LNPEP: variants seen among roughly 807,000 people sequenced by gnomAD.
The protein encoded by LNPEP is leucyl and cystinyl aminopeptidase.
LNPEP carries 64 observed loss-of-function variants against 120.6 expected under a neutral mutation model. The observed-to-expected ratio is 0.53, with a 90% CI of 0.43 to 0.65. LNPEP has a LOEUF of 0.65. Ranked by LOEUF, LNPEP falls within the 30% of genes least tolerant of loss-of-function variation. The pLI, the probability that LNPEP is intolerant of heterozygous loss-of-function variation, is 0.00. For synonymous variants in LNPEP, 435 were observed against 425.4 expected, an observed-to-expected ratio of 1.02 and a Z score of -0.28; for missense variants, 1,057 against 1,200.0, an observed-to-expected ratio of 0.88 and a Z score of 1.76.
intron 1 of LNPEP, among the ~76,000 whole-genome samples, chr5:96,973,337 TA>T (rs1207324444): frequency 6.6e-6 from 1 of 151,856 alleles, no homozygotes; most frequent in South Asian, 2.1e-4. Flanking sequence ...AGCTTAAACT[TA>T]AAAAAAATAG....
At position 96,979,632 on chromosome 5, in the gene LNPEP, G is replaced by A. The variant is rs752392944; in HGVS notation, c.514G>A (p.Val172Ile). 3.7e-6 allele frequency: 6 copies of A among 1,614,070 alleles called. No individual in the cohort carries two copies. The highest frequency in any genetic ancestry group is 2.2e-5 in the East Asian group (1 of 44,876). Residue 172 changes from valine (V) to isoleucine (I), a missense_variant, in exon 2 of 18, where the codon GTT becomes ATT. Coordinates refer to ENST00000231368, the MANE Select transcript of LNPEP (RefSeq NM_005575.3). ...PWAQIRLPTA[V>I]VPLRYELSLH... ...GGCACAGATCAGGCTTCCCACTGCC[G>A]TTGTGCCACTACGCTATGAACTCAG...
chr5:96,978,735 C>T (rs963205451), intron 1 of LNPEP, among the ~76,000 whole-genome samples: 1 of 152,162 alleles, frequency 6.6e-6, no homozygotes, highest in African/African-American at 2.4e-5. Flanking sequence ...TGGGCACATC[C>T]CTTTGATCCT....
chr5:96,989,282 AATAT>A (rs1239271941), intron 4 of LNPEP, among the ~76,000 whole-genome samples: 2 of 134,466 alleles, frequency 1.5e-5, no homozygotes, highest in East Asian at 4.0e-4. Context: ...TATATTATAT[AATAT>A]ATAATTTATA....
At chr5:96,953,584 T>A (rs1357527795) in intron 1 of LNPEP, among the ~76,000 whole-genome samples, 2 of 152,226 alleles carry the variant, frequency 1.3e-5, no homozygotes, top group African/African-American at 4.8e-5. Context: ...ACTCCCTGCA[T>A]GTTGGCTTCC....
At chr5:96,947,876 AT>A (rs1789224736) in intron 1 of LNPEP, among the ~76,000 whole-genome samples, 1 of 152,218 alleles carries the variant, frequency 6.6e-6, no homozygotes, top group Admixed American at 6.5e-5. Flanking sequence ...CCAGAGAATA[AT>A]AGGATTCAAA....
intron 1 of LNPEP, chr5:96,936,490 G>A (rs1404666244): frequency 6.9e-6 from 2 of 290,574 alleles, no homozygotes; most frequent in African/African-American, 2.2e-5. Flanking sequence ...GGCAGCTCAG[G>A]TTTGCCCCCG....
intron 1 of LNPEP, among the ~76,000 whole-genome samples, chr5:96,952,378 TGACTCTGAAG>T (rs1472792010): frequency 2.0e-5 from 3 of 152,202 alleles, no homozygotes; most frequent in Non-Finnish European, 4.4e-5. Flanking sequence ...GAAATAGTTT[TGACTCTGAAG>T]GCCTCCTGCA....
At chr5:96,984,347 C>G (rs186946294) in intron 2 of LNPEP, among the ~76,000 whole-genome samples, 1 of 152,084 alleles carries the variant, frequency 6.6e-6, no homozygotes, top group Non-Finnish European at 1.5e-5. Context: ...AACTAAGGTC[C>G]GAGTCTTGAA....
rs1790428998 is a variant in LNPEP at position 96,993,070 on chromosome 5, C to G, written c.1187C>G (p.Thr396Arg). 6.3e-7 allele frequency: 1 copy of G among 1,596,966 alleles called. No homozygotes were observed. Among genetic ancestry groups the G allele is most frequent in the Non-Finnish European group, 8.6e-7 (1 of 1,167,244 alleles). Reference protein sequence around the residue: ...KIGQVHYALETTVKLLEFFQN... With the variant: ...KIGQVHYALERTVKLLEFFQN... ...GGTCAAGTTCATTATGCCTTGGAAACAACTGTGAAGCTTCTTGAGTTTTTT... is the reference window on the plus strand; with the variant it reads ...GGTCAAGTTCATTATGCCTTGGAAAGAACTGTGAAGCTTCTTGAGTTTTTT... The change falls in exon 5 of 18, where the codon ACA (threonine) becomes AGA (arginine). Residue 396 changes from threonine (T) to arginine (R), a missense_variant. Physicochemically the swap from Thr to Arg is moderately conservative, Grantham distance 71 (BLOSUM62 -1). Transcript: ENST00000231368.
In LNPEP at chr5:96,954,741, TATATACAC is replaced by T. The variant is rs1393854788; in HGVS notation, c.19+18573_19+18580del. 6.2e-4 allele frequency among the ~76,000 whole-genome samples: 54 copies of T among 86,436 alleles called. 3 individuals are homozygous for T. The highest frequency in any genetic ancestry group is 1.7e-3 in the African/African-American group (38 of 22,058). 56.7% of individuals were successfully genotyped at this position (86,436 alleles called of 152,430 possible). On this transcript the variant is annotated intron_variant, in intron 1 of 17. Transcript: ENST00000231368. ...ATATATACATATATATATACATATA[TATATACAC>T]ATATATATATATATATATATATATT... is the stretch of plus-strand genomic sequence containing the variant.
intron 11 of LNPEP, among the ~76,000 whole-genome samples, chr5:97,009,736 A>T (rs1790880161): frequency 6.6e-6 from 1 of 152,184 alleles, no homozygotes. Context: ...GAGAGTCCAC[A>T]TGAAAACTTC....
chr5:96,973,554 AC>A lies in LNPEP; in HGVS notation c.20-5583del, dbSNP rs367983507. On this transcript the variant is annotated intron_variant, in intron 1 of 17. Transcript: ENST00000231368. ...CTATTCTCTAAAAAATAACAGTATA[AC>A]AACTATTTATATAGCATTTACAATG... Among the ~76,000 whole-genome samples the A allele has an allele frequency of 6.1e-4, 93 of 152,274 alleles. 1 individual carries two copies. The highest frequency in any genetic ancestry group is 1.9e-3 in the African/African-American group (80 of 41,576).
intron 1 of LNPEP, among the ~76,000 whole-genome samples, chr5:96,963,099 C>T (rs1789645314): frequency 6.6e-6 from 1 of 152,160 alleles, no homozygotes; most frequent in South Asian, 2.1e-4. Flanking sequence ...TTGAAGTAAT[C>T]ATGAGACACT....
intron 1 of LNPEP, among the ~76,000 whole-genome samples, chr5:96,954,155 A>G (rs1485349404): frequency 1.3e-5 from 2 of 152,222 alleles, no homozygotes; most frequent in Admixed American, 6.5e-5. Context: ...ATCAATAACA[A>G]CCCTAAAACT....
rs1790574763 is a variant in LNPEP at position 96,998,642 on chromosome 5, A to T, written c.1653+497A>T. 2.0e-5 allele frequency among the ~76,000 whole-genome samples: 3 copies of T among 152,222 alleles called. No individual in the cohort carries two copies. In the South Asian group the frequency reaches 6.2e-4, roughly 31 times the overall value. On this transcript the variant is annotated intron_variant, in intron 8 of 17. Transcript: ENST00000231368. Reference sequence around the variant, plus strand: ...CCATTCGGATCACCATAGGTCGGAGAATAGAAGAATAGTGATAACGGTGTC... The same window carrying T: ...CCATTCGGATCACCATAGGTCGGAGTATAGAAGAATAGTGATAACGGTGTC...
intron 1 of LNPEP, chr5:96,943,213 A>T: frequency 2.1e-5 from 6 of 287,840 alleles, no homozygotes; most frequent in Non-Finnish European, 3.6e-5. Flanking sequence ...ATAAATGATT[A>T]CCAGTTGTTT....
intron 1 of LNPEP, among the ~76,000 whole-genome samples, chr5:96,954,166 A>G (rs1789386199): frequency 6.6e-6 from 1 of 152,232 alleles, no homozygotes; most frequent in South Asian, 2.1e-4. Flanking sequence ...CCCTAAAACT[A>G]TCTTCCTTTT....
At chr5:96,981,290 A>C (rs1467630017) in intron 2 of LNPEP, among the ~76,000 whole-genome samples, 1 of 152,194 alleles carries the variant, frequency 6.6e-6, no homozygotes, top group African/African-American at 2.4e-5. Flanking sequence ...GGTATAAATA[A>C]TCTAAACATT....
At chr5:96,980,148 A>G (rs1343534094) in intron 2 of LNPEP, among the ~76,000 whole-genome samples, 170 bp downstream of exon 2, 3 of 152,120 alleles carry the variant, frequency 2.0e-5, no homozygotes, top group Admixed American at 6.5e-5. Flanking sequence ...CTCTTAGTCA[A>G]CGCCTTGAGC....
Sources: gnomAD v4.1 joint callset for allele counts (sites outside exome capture counted in the v4.1 genomes callset) on GRCh38, gnomAD v4.1.1 for gene constraint, MANE v1.5 for transcripts, NCBI Gene and HGNC (gene_info 2026-07-23, HGNC 2026-07-21) for gene names.